AFF3: variants seen among roughly 807,000 people sequenced by gnomAD.
AFF3 encodes AF4/FMR2 family member 3.
AFF3 carries 32 observed loss-of-function variants against 129.7 expected under a neutral mutation model. The ratio of observed to expected loss-of-function variants is 0.25; its 90% confidence interval spans 0.19 to 0.33. AFF3 has a LOEUF of 0.33. Among genes scored for constraint, AFF3 ranks in the 10% least tolerant of loss-of-function variants. AFF3 has a pLI of 1.00. For synonymous variants in AFF3, 644 were observed against 635.4 expected, an observed-to-expected ratio of 1.01 and a Z score of -0.20; for missense variants, 1,373 against 1,592.0, an observed-to-expected ratio of 0.86 and a Z score of 2.34.
intron 8 of AFF3, among the ~76,000 whole-genome samples, chr2:99,761,871 G>A (rs1682627186): frequency 1.3e-5 from 2 of 152,080 alleles, no homozygotes; most frequent in African/African-American, 2.4e-5. Context: ...AAGATGCTCT[G>A]TCACATGGCA....
chr2:99,871,387 ATATT>A (rs1691855096), intron 7 of AFF3, among the ~76,000 whole-genome samples: 1 of 152,170 alleles, frequency 6.6e-6, no homozygotes, highest in Admixed American at 6.5e-5. Context: ...TTTCTATTAA[ATATT>A]TATTTAAATC....
intron 2 of AFF3, among the ~76,000 whole-genome samples, chr2:100,113,712 A>G (rs1691614337): frequency 1.3e-5 from 2 of 152,198 alleles, no homozygotes; most frequent in Admixed American, 6.5e-5. Context: ...AGCCCCTAAC[A>G]TTGGGTTGGG....
At chr2:100,016,380 G>C (rs1683066449) in intron 4 of AFF3, among the ~76,000 whole-genome samples, 1 of 151,574 alleles carries the variant, frequency 6.6e-6, no homozygotes, top group Non-Finnish European at 1.5e-5. Flanking sequence ...TGATGGTGGT[G>C]GTTGTGATAA....
chr2:99,810,412 G>A (rs748208424), intron 8 of AFF3, among the ~76,000 whole-genome samples: 1 of 152,170 alleles, frequency 6.6e-6, no homozygotes, highest in African/African-American at 2.4e-5. Flanking sequence ...AAGTATTTAT[G>A]GAATGCCCAC....
chr2:99,659,110 G>C (rs1249408233), intron 12 of AFF3, among the ~76,000 whole-genome samples: 2 of 151,422 alleles, frequency 1.3e-5, no homozygotes, highest in Non-Finnish European at 3.0e-5. Context: ...GGAAGTAGCT[G>C]TCTGGGTTAG....
chr2:99,652,174 G>T (rs1165876932), intron 12 of AFF3, among the ~76,000 whole-genome samples: 3 of 152,148 alleles, frequency 2.0e-5, no homozygotes, highest in Non-Finnish European at 4.4e-5. Context: ...TAATTTTAAA[G>T]ACAAGGAAGG....
At chr2:99,666,579 T>A (rs1686694278) in intron 12 of AFF3, among the ~76,000 whole-genome samples, 1 of 152,202 alleles carries the variant, frequency 6.6e-6, no homozygotes, top group Non-Finnish European at 1.5e-5. Flanking sequence ...GTAAATGGTC[T>A]AAATGTATCA....
intron 12 of AFF3, among the ~76,000 whole-genome samples, chr2:99,654,942 T>C (rs1685613211): frequency 1.3e-5 from 2 of 152,180 alleles, no homozygotes; most frequent in South Asian, 2.1e-4. Flanking sequence ...GGAAATTAAA[T>C]GCCCTTATTG....
intron 13 of AFF3, among the ~76,000 whole-genome samples, chr2:99,629,523 C>A (rs1414077523): frequency 1.3e-5 from 2 of 152,200 alleles, no homozygotes; most frequent in African/African-American, 4.8e-5. Context: ...TGCAATTCCT[C>A]TGTAGACCCG....
At chr2:99,586,120 G>C (rs1678090377) in intron 16 of AFF3, among the ~76,000 whole-genome samples, 1 of 152,244 alleles carries the variant, frequency 6.6e-6, no homozygotes. Context: ...CACCAGATCA[G>C]CTAGAAAGGT....
intron 8 of AFF3, among the ~76,000 whole-genome samples, chr2:99,788,626 G>T (rs930266116): frequency 6.6e-6 from 1 of 152,152 alleles, no homozygotes; most frequent in African/African-American, 2.4e-5. Context: ...GTTACAGTAA[G>T]AATAGGCTAA....
chr2:99,559,220 C>T (rs568748595), intron 21 of AFF3, among the ~76,000 whole-genome samples: 1 of 152,328 alleles, frequency 6.6e-6, no homozygotes, highest in East Asian at 1.9e-4. Context: ...GTGAATCACT[C>T]TGTTGGGTCA....
At chr2:100,107,537 A>G in intron 2 of AFF3, 1 of 982,300 alleles carries the variant, frequency 1.0e-6, no homozygotes, top group Non-Finnish European at 1.2e-6. Context: ...GCTTTTGCTC[A>G]TCCTATAGTG....
chr2:100,056,103 ACACT>A (rs1686764526), intron 4 of AFF3, among the ~76,000 whole-genome samples: 1 of 151,146 alleles, frequency 6.6e-6, no homozygotes. Flanking sequence ...ACACACACAC[ACACT>A]GGTTATGGCA....
intron 7 of AFF3, among the ~76,000 whole-genome samples, chr2:99,995,279 A>G (rs997210223): frequency 3.3e-5 from 5 of 152,248 alleles, no homozygotes; most frequent in Admixed American, 2.0e-4. Flanking sequence ...AGGATGGACT[A>G]ATAAGTCAAT....
At chr2:99,763,865 G>A (rs1206126926) in intron 8 of AFF3, among the ~76,000 whole-genome samples, 1 of 152,198 alleles carries the variant, frequency 6.6e-6, no homozygotes, top group Admixed American at 6.5e-5. Flanking sequence ...CCTGGGAGCT[G>A]TACACGTGTT....
At chr2:99,586,470 A>G (rs1050110066) in intron 16 of AFF3, among the ~76,000 whole-genome samples, 3 of 152,192 alleles carry the variant, frequency 2.0e-5, no homozygotes, top group African/African-American at 4.8e-5. Flanking sequence ...TCAAAATTCT[A>G]TGTATACGGT....
intron 15 of AFF3, among the ~76,000 whole-genome samples, chr2:99,589,476 A>C (rs936203823): frequency 7.2e-6 from 1 of 138,852 alleles, no homozygotes; most frequent in African/African-American, 2.7e-5. Context: ...ATCTCAGCTC[A>C]GTGCAGCCTC....
intron 7 of AFF3, among the ~76,000 whole-genome samples, chr2:99,939,257 TGGCAGAATGCC>T (rs1674807329): frequency 2.0e-5 from 3 of 152,276 alleles, no homozygotes; most frequent in Non-Finnish European, 4.4e-5. Context: ...ATAAATCCAC[TGGCAGAATGCC>T]AAGAGAAGTT....
Sources: allele counts gnomAD v4.1 joint callset (sites outside exome capture counted in the v4.1 genomes callset), GRCh38; gene constraint gnomAD v4.1.1; transcripts MANE v1.5; gene names NCBI Gene and HGNC (gene_info 2026-07-23, HGNC 2026-07-21).